CBL: variants seen among roughly 807,000 people sequenced by gnomAD.
CBL encodes Cbl proto-oncogene.
CBL carries 45 observed loss-of-function variants against 96.9 expected under a neutral mutation model. That is an observed-to-expected ratio of 0.46 (90% CI 0.37 to 0.60). The LOEUF is 0.60. Ranked by LOEUF, CBL falls within the 20% of genes least tolerant of loss-of-function variation. The pLI is 0.00. For missense variants in CBL, 1,024 were observed against 1,143.5 expected (o/e 0.90, Z 1.51); for synonymous variants, 420 against 426.8 (o/e 0.98, Z 0.20).
intron 2 of CBL, among the ~76,000 whole-genome samples, chr11:119,248,326 A>G (rs181141235): frequency 1.3e-5 from 2 of 152,358 alleles, no homozygotes; most frequent in Admixed American, 1.3e-4. Context: ...CCTCATACAT[A>G]TGGTCAATCG....
intron 1 of CBL, among the ~76,000 whole-genome samples, chr11:119,219,208 T>C (rs1210065594): frequency 6.6e-6 from 1 of 152,030 alleles, no homozygotes; most frequent in African/African-American, 2.4e-5. Context: ...TGATACCCTG[T>C]CTCTACTAAA....
rs1479843616 is a variant in CBL at position 119,304,505 on chromosome 11, T to A, written c.*4724T>A. 4.3e-6 allele frequency: 1 copy of A among 233,126 alleles called. No homozygotes were observed. The highest frequency in any genetic ancestry group is 8.5e-6 in the Non-Finnish European group (1 of 117,984). 14.4% of individuals were successfully genotyped at this position (233,126 alleles called of 1,614,324 possible). ...AACTGCAGAGCTTTGCACCTAGTCCTTTCTCCCGCTTCACAGTCTGCTTAT... is the reference window on the plus strand; with the variant it reads ...AACTGCAGAGCTTTGCACCTAGTCCATTCTCCCGCTTCACAGTCTGCTTAT... On this transcript the variant is annotated 3_prime_UTR_variant, in exon 16 of 16. Transcript: ENST00000264033.
At position 119,300,348 on chromosome 11, in the gene CBL, G is replaced by A. The variant is rs573261482; in HGVS notation, c.*567G>A. 1,211 of 400,250 alleles carry A rather than the reference G, an allele frequency of 3.0e-3. 5 individuals carry two copies. Among genetic ancestry groups the A allele is most frequent in the Non-Finnish European group, 3.0e-3 (686 of 227,266 alleles). 24.8% of individuals were successfully genotyped at this position (400,250 alleles called of 1,614,324 possible). A position where few individuals can be genotyped will look rare whatever the true frequency, so the allele number is the denominator to read the frequency against. On this transcript the variant is annotated 3_prime_UTR_variant, in exon 16 of 16. Coordinates refer to ENST00000264033, the MANE Select transcript of CBL (RefSeq NM_005188.4). Reference sequence around the variant, plus strand: ...TCCCCTTTGGCTTATATTACCATGTGCATAGCTAAAGTCTTCTATTTTTAG... The same window carrying A: ...TCCCCTTTGGCTTATATTACCATGTACATAGCTAAAGTCTTCTATTTTTAG...
chr11:119,226,007 G>A (rs995840366), intron 1 of CBL, among the ~76,000 whole-genome samples: 2 of 152,170 alleles, frequency 1.3e-5, no homozygotes, highest in African/African-American at 4.8e-5. Flanking sequence ...GGGATTACAG[G>A]CATGAGCCAC....
chr11:119,263,626 C>T (rs994533755), intron 2 of CBL, among the ~76,000 whole-genome samples: 1 of 152,122 alleles, frequency 6.6e-6, no homozygotes, highest in African/African-American at 2.4e-5. Context: ...CTGAGAACTC[C>T]TTTTGTAGGT....
intron 9 of CBL, among the ~76,000 whole-genome samples, chr11:119,279,185 T>TA (rs1246648210): frequency 9.5e-4 from 144 of 152,132 alleles, no homozygotes; most frequent in African/African-American, 2.6e-3. Flanking sequence ...TTTTTTTTTT[T>TA]ATTTTAATGG....
At position 119,253,907 on chromosome 11, in the gene CBL, C is replaced by A. The variant is rs557636004; in HGVS notation, c.444-17828C>A. Among the ~76,000 whole-genome samples, 50 of 150,092 alleles carry A rather than the reference C, an allele frequency of 3.3e-4. No homozygotes were observed. In the South Asian group the frequency reaches 9.7e-3, roughly 29 times the overall value. On this transcript the variant is annotated intron_variant, in intron 2 of 15. Coordinates refer to ENST00000264033, the MANE Select transcript of CBL (RefSeq NM_005188.4). ...GTTGGCTCACGTTTGTAAGTAATCC[C>A]AGCACTTTTGGAGACTGAGGTGAGA...
chr11:119,260,445 T>C (rs1243949502), intron 2 of CBL, among the ~76,000 whole-genome samples: 2 of 152,084 alleles, frequency 1.3e-5, no homozygotes, highest in African/African-American at 2.4e-5. Flanking sequence ...GGTTTTACCA[T>C]GTTGACCAGG....
intron 11 of CBL, among the ~76,000 whole-genome samples, chr11:119,287,374 G>A (rs1480939876): frequency 6.6e-6 from 1 of 152,218 alleles, no homozygotes; most frequent in Non-Finnish European, 1.5e-5. Flanking sequence ...CAAGGAGGCA[G>A]AATGGGAAGA....
At chr11:119,244,250 A>G (rs1457103188) in intron 2 of CBL, among the ~76,000 whole-genome samples, 1 of 152,200 alleles carries the variant, frequency 6.6e-6, no homozygotes, top group Admixed American at 6.5e-5. Flanking sequence ...GTTAGTTCTC[A>G]GCATCATCCT....
intron 1 of CBL, among the ~76,000 whole-genome samples, chr11:119,214,771 C>T (rs1949344992): frequency 6.6e-6 from 1 of 151,958 alleles, no homozygotes; most frequent in South Asian, 2.1e-4. Flanking sequence ...TTGTAGTTCA[C>T]CTTTTAGCTT....
In CBL at chr11:119,232,616, T is replaced by A. The variant is rs1193053038; in HGVS notation, c.364T>A (p.Leu122Met). 6.8e-6 allele frequency: 11 copies of A among 1,613,850 alleles called. No individual in the cohort carries two copies. Among genetic ancestry groups the A allele is most frequent in the Non-Finnish European group, 8.5e-6 (10 of 1,179,932 alleles). Residue 122 changes from leucine (L) to methionine (M), a missense_variant, in exon 2 of 16, where the codon TTG (leucine) becomes ATG (methionine). Physicochemically the swap from Leu to Met is conservative, Grantham distance 15. This residue lies in a region of CBL where 192 missense variants were observed against 321.8 expected (regional missense o/e 0.60). Transcript: ENST00000264033. ...GTATTTTAGGGTGTTTATGGAGAAT[T>A]TGATGAAGAAAACTAAGCAAACCAT... ...NEYFRVFMENLMKKTKQTISL... is the reference protein window; with the variant it reads ...NEYFRVFMENMMKKTKQTISL...
In CBL at chr11:119,285,022, G is replaced by A. The variant is rs2229072; in HGVS notation, c.1485G>A (p.Pro495=). ...FSMAPQASLP[P]VPPRLDLLPQ... ...TGGCCCCACAAGCTTCCCTTCCCCC[G>A]GTGCCACCACGACTTGACCTTCTGC... Residue 495 remains proline (P), a synonymous_variant, in exon 10 of 16, where the codon CCG becomes CCA. Coordinates refer to ENST00000264033, the MANE Select transcript of CBL (RefSeq NM_005188.4). The A allele has an allele frequency of 2.5e-3, 4,012 of 1,614,022 alleles. 44 individuals carry two copies. The highest frequency in any genetic ancestry group is 0.017 in the African/African-American group (1,247 of 74,976).
rs1341158628 is a variant in CBL at position 119,308,071 on chromosome 11, T to TA, written c.*8291dup. The TA allele has an allele frequency of 5.6e-6, 1 of 177,172 alleles. No homozygotes were observed. The allele number at this position is 177,172 out of a possible 1,614,324, so 11.0% of individuals were successfully genotyped here. A position where few individuals can be genotyped will look rare whatever the true frequency, so the allele number is the denominator to read the frequency against. ...ATTTTTTTTCATTTCCATACACAGT[T>TA]AGTTAACTAAAGAGCTTTTTCAAGC... On this transcript the variant is annotated 3_prime_UTR_variant, in exon 16 of 16. Coordinates refer to ENST00000264033, the MANE Select transcript of CBL (RefSeq NM_005188.4).
intron 1 of CBL, among the ~76,000 whole-genome samples, chr11:119,217,467 A>G (rs1164426471): frequency 6.6e-6 from 1 of 152,124 alleles, no homozygotes; most frequent in Non-Finnish European, 1.5e-5. Context: ...GTGTCAAGTA[A>G]TTTCTTATAA....
At chr11:119,291,583 CTG>C (rs1950027106) in intron 12 of CBL, among the ~76,000 whole-genome samples, 1 of 152,138 alleles carries the variant, frequency 6.6e-6, no homozygotes, top group African/African-American at 2.4e-5. Context: ...TGGTGCACAC[CTG>C]TGGTCCTAGC....
In CBL at chr11:119,285,191, T is replaced by C. The variant is rs371065029; in HGVS notation, c.1566T>C (p.Ala522=). 2.2e-5 allele frequency: 35 copies of C among 1,614,078 alleles called. No homozygotes were observed. In the African/African-American group the frequency reaches 4.0e-4, roughly 18 times the overall value. The change falls in exon 11 of 16, where the codon GCT becomes GCC. Residue 522 remains alanine, a splice_region_variant and synonymous_variant. Coordinates refer to ENST00000264033, the MANE Select transcript of CBL (RefSeq NM_005188.4). ...TTGCTTTCACCCTGCTTCCACAGGC[T>C]GCTTCTGGCTCCCTTCATAAAGACA... The part of the protein sequence containing the change: ...SASALGTASK[A]ASGSLHKDKP...
At chr11:119,226,780 G>A (rs1314715434) in intron 1 of CBL, among the ~76,000 whole-genome samples, 1 of 152,132 alleles carries the variant, frequency 6.6e-6, no homozygotes, top group Admixed American at 6.6e-5. Context: ...TTTTGATATG[G>A]CTATTTGATT....
At chr11:119,297,343 C>T in intron 13 of CBL, 41 bp from the exon 14 acceptor site, 1 of 1,413,196 alleles carries the variant, frequency 7.1e-7, no homozygotes. Flanking sequence ...GATAACAGTT[C>T]TATTTCCAAA....
Sources: gnomAD v4.1 joint callset for allele counts (sites outside exome capture counted in the v4.1 genomes callset) on GRCh38, gnomAD v4.1.1 for gene constraint, gnomAD v4.1.1 regional missense constraint, MANE v1.5 for transcripts, NCBI Gene and HGNC (gene_info 2026-07-23, HGNC 2026-07-21) for gene names.